Variants in SLC44A1 observed in about 807,000 individuals in gnomAD.
The protein encoded by SLC44A1 is solute carrier family 44 member 1.
SLC44A1 carries 26 observed loss-of-function variants against 79.3 expected under a neutral mutation model. The ratio of observed to expected loss-of-function variants is 0.33; its 90% CI spans 0.24 to 0.46. SLC44A1 has a LOEUF of 0.46. Ranked by LOEUF, SLC44A1 falls within the 20% of genes least tolerant of loss-of-function variation. The probability of loss-of-function intolerance (pLI) is 1.00; values close to 1 mark genes in which losing one functional copy is unlikely to be tolerated. For missense variants in SLC44A1, 688 were observed against 798.1 expected, an observed-to-expected ratio of 0.86 and a Z score of 1.66; for synonymous variants, 263 against 286.2, an observed-to-expected ratio of 0.92 and a Z score of 0.82.
chr9:105,339,094 A>G (rs1260824681), intron 4 of SLC44A1, among the ~76,000 whole-genome samples: 3 of 152,228 alleles, frequency 2.0e-5, no homozygotes, highest in South Asian at 2.1e-4. Context: ...GAAAAAATAC[A>G]TAAGTTGGAT....
At chr9:105,256,670 C>T (rs1349347089) in intron 1 of SLC44A1, among the ~76,000 whole-genome samples, 2 of 151,770 alleles carry the variant, frequency 1.3e-5, no homozygotes, top group East Asian at 3.8e-4. Context: ...TCAAGCTATC[C>T]TCCTGGTTGA....
intron 8 of SLC44A1, among the ~76,000 whole-genome samples, chr9:105,362,519 C>T (rs1348408460): frequency 1.3e-5 from 2 of 152,000 alleles, no homozygotes; most frequent in South Asian, 2.1e-4. Context: ...TAAAGAGTCT[C>T]ATCCTGACTG....
At chr9:105,320,352 T>TA (rs1826355199) in intron 3 of SLC44A1, among the ~76,000 whole-genome samples, 2 of 150,888 alleles carry the variant, frequency 1.3e-5, no homozygotes, top group African/African-American at 4.9e-5. Context: ...TTTGTGTATG[T>TA]AATTTAATAT....
intron 5 of SLC44A1, among the ~76,000 whole-genome samples, chr9:105,354,053 TTTTTTTTTTTTTTTTGAGACGGAG>T (rs1320514625): frequency 8.6e-6 from 1 of 116,854 alleles, no homozygotes; most frequent in Non-Finnish European, 1.8e-5. Flanking sequence ...TTTTTTTTTT[TTTTTTTTTTTTTTTTGAGACGGAG>T]TCTCTCTCTG....
At chr9:105,272,992 A>AT (rs1007491132) in intron 1 of SLC44A1, among the ~76,000 whole-genome samples, 6 of 148,558 alleles carry the variant, frequency 4.0e-5, no homozygotes, top group East Asian at 3.9e-4. Context: ...TGTATATATA[A>AT]TTTTTTTTTT....
At chr9:105,351,206 G>T (rs540351223) in intron 5 of SLC44A1, among the ~76,000 whole-genome samples, 1 of 152,136 alleles carries the variant, frequency 6.6e-6, no homozygotes, top group Non-Finnish European at 1.5e-5. Flanking sequence ...TAGGTGCTGG[G>T]GAATTAATGA....
chr9:105,278,798 T>C (rs959808302), intron 1 of SLC44A1, among the ~76,000 whole-genome samples: 4 of 152,368 alleles, frequency 2.6e-5, no homozygotes, highest in Admixed American at 2.0e-4. Context: ...GTCACTTCTG[T>C]AGACTTTCAG....
intron 3 of SLC44A1, among the ~76,000 whole-genome samples, chr9:105,334,685 C>CTA (rs1282816728): frequency 1.3e-5 from 2 of 152,182 alleles, no homozygotes; most frequent in Non-Finnish European, 2.9e-5. Context: ...GAATGTTTAG[C>CTA]CCTTACTTTC....
chr9:105,403,064 C>T (rs754780341), intron 15 of SLC44A1, among the ~76,000 whole-genome samples: 2 of 143,326 alleles, frequency 1.4e-5, no homozygotes, highest in African/African-American at 5.3e-5. Flanking sequence ...AAGCAATCTT[C>T]CCAACTCAGA....
At position 105,390,605 on chromosome 9, in the gene SLC44A1, C is replaced by T; in HGVS notation, c.*1549C>T. The T allele has an allele frequency of 7.1e-6, 7 of 985,748 alleles. No individual in the cohort carries two copies. Among genetic ancestry groups the T allele is most frequent in the Non-Finnish European group, 7.2e-6 (6 of 829,904 alleles). 61.1% of individuals were successfully genotyped at this position (985,748 alleles called of 1,614,324 possible). A position where few individuals can be genotyped will look rare whatever the true frequency, so the allele number is the denominator to read the frequency against. On this transcript the variant is annotated 3_prime_UTR_variant, in exon 16 of 16. Transcript: ENST00000374720. ...AAGCAGCCGTTTGCTAATGTGCTTC[C>T]TTTCAAAGGGTTGGACCTTTAAATT...
intron 15 of SLC44A1, among the ~76,000 whole-genome samples, chr9:105,405,286 A>C (rs572743690): frequency 6.6e-6 from 1 of 151,358 alleles, no homozygotes; most frequent in Admixed American, 6.6e-5. Flanking sequence ...GTGCCACTGC[A>C]CTCCAGCCTG....
chr9:105,411,322 T>C (rs1829091211), intron 15 of SLC44A1, among the ~76,000 whole-genome samples: 1 of 151,996 alleles, frequency 6.6e-6, no homozygotes, highest in South Asian at 2.1e-4. Flanking sequence ...TTTCTCCTCA[T>C]TTCCACTCCT....
At chr9:105,302,809 A>T (rs150836644) in intron 2 of SLC44A1, among the ~76,000 whole-genome samples, 2 of 152,156 alleles carry the variant, frequency 1.3e-5, no homozygotes, top group African/African-American at 4.8e-5. Context: ...ATTGAGCAAG[A>T]AGTGATATGA....
intron 13 of SLC44A1, among the ~76,000 whole-genome samples, chr9:105,379,706 A>G (rs1016135186): frequency 2.0e-5 from 3 of 152,216 alleles, no homozygotes; most frequent in Non-Finnish European, 2.9e-5. Context: ...CTTGTAACAT[A>G]TGGTCACTGG....
intron 5 of SLC44A1, among the ~76,000 whole-genome samples, chr9:105,351,652 A>G (rs1470635298): frequency 7.0e-6 from 1 of 142,850 alleles, no homozygotes; most frequent in African/African-American, 2.6e-5. Flanking sequence ...GAAAGAAAGA[A>G]AGAAAGAAAG....
At chr9:105,351,620 A>AAG (rs1219028504) in intron 5 of SLC44A1, among the ~76,000 whole-genome samples, 1 of 78,512 alleles carries the variant, frequency 1.3e-5, no homozygotes, top group Non-Finnish European at 2.7e-5. Flanking sequence ...GAAAGAAAGA[A>AAG]AGAGAGAGAA....
At chr9:105,421,778 G>A (rs1208594533) in intron 15 of SLC44A1, among the ~76,000 whole-genome samples, 1 of 151,912 alleles carries the variant, frequency 6.6e-6, no homozygotes, top group African/African-American at 2.4e-5. Context: ...TAGTAGAGGC[G>A]GGGTTTCACC....
At chr9:105,268,034 G>C (rs866076514) in intron 1 of SLC44A1, among the ~76,000 whole-genome samples, 8 of 152,142 alleles carry the variant, frequency 5.3e-5, no homozygotes, top group South Asian at 4.2e-4. Flanking sequence ...GGTTGGGGTG[G>C]GTGTTGGTTT....
chr9:105,262,542 C>T (rs1180456980), intron 1 of SLC44A1, among the ~76,000 whole-genome samples: 2 of 152,186 alleles, frequency 1.3e-5, no homozygotes, highest in African/African-American at 4.8e-5. Flanking sequence ...TAGAACACAT[C>T]GAAAGTATTC....
Sources: allele counts gnomAD v4.1 joint callset (sites outside exome capture counted in the v4.1 genomes callset), GRCh38; gene constraint gnomAD v4.1.1; transcripts MANE v1.5; gene names NCBI Gene and HGNC (gene_info 2026-07-23, HGNC 2026-07-21).